Variants in ATP11A observed in about 807,000 individuals in gnomAD.
ATP11A encodes the protein phospholipid-transporting ATPase IH.
ATP11A carries 81 observed loss-of-function variants against 154.4 expected under a neutral mutation model. That is an observed-to-expected ratio of 0.52 (90% CI 0.44 to 0.63). ATP11A has a LOEUF of 0.63. Among genes scored for constraint, ATP11A ranks in the 30% least tolerant of loss-of-function variants. ATP11A has a pLI of 0.00. For missense variants in ATP11A, 1,316 were observed against 1,474.3 expected (o/e 0.89, Z 1.76); for synonymous variants, 623 against 585.9 (o/e 1.06, Z -0.91).
Position 112,860,508 on chromosome 13 carries a change from T to C in ATP11A, c.2855+94T>C, listed in dbSNP as rs1262036518. ...CCAATAGCCACCTGGCAGACCTCAG[T>C]TGAGGGCCAGAAGCATTCGGCATCT... On this transcript the variant is annotated intron_variant, in intron 24 of 29. Coordinates refer to ENST00000375645, the MANE Select transcript of ATP11A (RefSeq NM_015205.3). The C allele has an allele frequency of 3.7e-5, 55 of 1,489,232 alleles. No individual in the cohort carries two copies. In the Admixed American group the frequency reaches 9.0e-4, roughly 24 times the overall value. 92.3% of individuals were successfully genotyped at this position (1,489,232 alleles called of 1,614,324 possible).
chr13:112,818,538 C>T (rs1201666395), intron 6 of ATP11A, among the ~76,000 whole-genome samples: 2 of 152,208 alleles, frequency 1.3e-5, no homozygotes, highest in Non-Finnish European at 2.9e-5. Context: ...TCGCAGATCC[C>T]TGGGCACAAG....
At chr13:112,841,150 A>T (rs1280356857) in intron 16 of ATP11A, among the ~76,000 whole-genome samples, 1 of 150,458 alleles carries the variant, frequency 6.6e-6, no homozygotes, top group East Asian at 2.0e-4. Flanking sequence ...TCAGGTGCAG[A>T]GGGAGCTCTG....
intron 1 of ATP11A, among the ~76,000 whole-genome samples, chr13:112,716,625 G>A (rs565038649): frequency 6.6e-6 from 1 of 152,296 alleles, no homozygotes; most frequent in Admixed American, 6.5e-5. Context: ...GGCTGGGTTT[G>A]CACTGAGCCA....
At position 112,873,572 on chromosome 13, in the gene ATP11A, G is replaced by A; in HGVS notation, c.3058-1G>A. Reference sequence around the variant, plus strand: ...AACTGCCCTTTTTTTTTTCCTTTTAGCTTGCATTGGACACACACTACTGGA... The same window carrying A: ...AACTGCCCTTTTTTTTTTCCTTTTAACTTGCATTGGACACACACTACTGGA... On this transcript the variant is annotated splice_acceptor_variant, in intron 26 of 29. Transcript: ENST00000375645. LOFTEE classifies it high-confidence loss of function. 6.3e-7 allele frequency: 1 copy of A among 1,581,658 alleles called. No homozygotes were observed. Among genetic ancestry groups the A allele is most frequent in the Admixed American group, 1.9e-5 (1 of 52,142 alleles).
intron 1 of ATP11A, among the ~76,000 whole-genome samples, chr13:112,713,603 T>C (rs1036787109): frequency 8.5e-5 from 13 of 152,214 alleles, no homozygotes; most frequent in Admixed American, 1.3e-4. Flanking sequence ...GAGGTCTCAG[T>C]AGGTGTCTGA....
chr13:112,780,936 G>A (rs1195994374), intron 1 of ATP11A, among the ~76,000 whole-genome samples: 1 of 152,122 alleles, frequency 6.6e-6, no homozygotes, highest in African/African-American at 2.4e-5. Context: ...AGAGAGAGAG[G>A]CTGGGGTCTC....
intron 1 of ATP11A, among the ~76,000 whole-genome samples, chr13:112,765,979 G>A (rs74344057): frequency 0.075 from 11,452 of 152,316 alleles, 441 homozygotes; most frequent in Middle Eastern, 0.11. Context: ...ACTGACCATG[G>A]GCAGTTTTAG....
At chr13:112,783,991 G>C (rs2077561319) in intron 1 of ATP11A, among the ~76,000 whole-genome samples, 1 of 152,182 alleles carries the variant, frequency 6.6e-6, no homozygotes, top group African/African-American at 2.4e-5. Flanking sequence ...CCCATCTGCA[G>C]ATGCAGGGCC....
intron 1 of ATP11A, among the ~76,000 whole-genome samples, chr13:112,712,770 T>C (rs1887915047): frequency 6.6e-6 from 1 of 152,334 alleles, no homozygotes; most frequent in Non-Finnish European, 1.5e-5. Flanking sequence ...CCTTTTCTTA[T>C]GTCCACTGGA....
chr13:112,827,577 G>A (rs1014745905), intron 12 of ATP11A, among the ~76,000 whole-genome samples: 1 of 152,278 alleles, frequency 6.6e-6, no homozygotes, highest in South Asian at 2.1e-4. Context: ...CCCCAGCCTA[G>A]AGCGGTGACC....
At position 112,758,718 on chromosome 13, in the gene ATP11A, C is replaced by G. The variant is rs575176294; in HGVS notation, c.40-26417C>G. Among the ~76,000 whole-genome samples the G allele has an allele frequency of 1.1e-4, 16 of 152,334 alleles. No homozygotes were observed. The South Asian group carries it at 3.3e-3, about 32-fold the overall frequency. On this transcript the variant is annotated intron_variant, in intron 1 of 29. Coordinates refer to ENST00000375645, the MANE Select transcript of ATP11A (RefSeq NM_015205.3). Reference sequence around the variant, plus strand: ...GATTACAGGCGTGAGCCACCGCTCCCAGCCTACATTTCTTAAATCTATCTT... The same window carrying G: ...GATTACAGGCGTGAGCCACCGCTCCGAGCCTACATTTCTTAAATCTATCTT...
rs1387662214 is a variant in ATP11A, at chr13:112,886,047, C to CA, written c.*4182dup. The CA allele has an allele frequency of 1.3e-5, 2 of 152,344 alleles. No homozygotes were observed. The highest frequency in any genetic ancestry group is 2.9e-5 in the Non-Finnish European group (2 of 68,116). The allele number at this position is 152,344 out of a possible 1,614,324, so 9.4% of individuals were successfully genotyped here. On this transcript the variant is annotated 3_prime_UTR_variant, in exon 30 of 30. Transcript: ENST00000375645. ...GACTGGCCACACCCACGCCGCACCT[C>CA]ATCCGTGCACGCGTCGGAGCACGGC...
At chr13:112,725,204 A>G (rs1889698348) in intron 1 of ATP11A, among the ~76,000 whole-genome samples, 1 of 152,192 alleles carries the variant, frequency 6.6e-6, no homozygotes, top group African/African-American at 2.4e-5. Context: ...GCTGGGCTCA[A>G]GGCAGTGGGG....
At chr13:112,748,314 C>T (rs367873610) in intron 1 of ATP11A, among the ~76,000 whole-genome samples, 1 of 152,220 alleles carries the variant, frequency 6.6e-6, no homozygotes, top group Non-Finnish European at 1.5e-5. Context: ...CTTTGGCGAT[C>T]ATGTAGTAGA....
intron 1 of ATP11A, among the ~76,000 whole-genome samples, chr13:112,777,799 G>A (rs2077384208): frequency 6.6e-6 from 1 of 152,212 alleles, no homozygotes; most frequent in South Asian, 2.1e-4. Flanking sequence ...GAAGGGATGT[G>A]AGACTTCCTC....
intron 1 of ATP11A, among the ~76,000 whole-genome samples, chr13:112,716,313 C>T (rs7989810): frequency 0.78 from 118,430 of 152,138 alleles, 47,760 homozygotes; most frequent in East Asian, 0.94. Context: ...AGCTCTGCTC[C>T]GACAGCTGTG....
rs531528041 is a variant in ATP11A, at chr13:112,765,451, C to T, written c.40-19684C>T. Among the ~76,000 whole-genome samples, 111 of 152,364 alleles carry T rather than the reference C, an allele frequency of 7.3e-4. 1 individual carries two copies. The highest frequency in any genetic ancestry group is 2.0e-3 in the African/African-American group (83 of 41,580). On this transcript the variant is annotated intron_variant, in intron 1 of 29. Transcript: ENST00000375645. ...TCCCTTCCCCTCACTCCATCTGATTCGGCCCCGTTTCCTTGTCCACTCCAC... is the reference window on the plus strand; with the variant it reads ...TCCCTTCCCCTCACTCCATCTGATTTGGCCCCGTTTCCTTGTCCACTCCAC...
intron 24 of ATP11A, among the ~76,000 whole-genome samples, chr13:112,862,078 G>A (rs2080124752): frequency 6.6e-6 from 1 of 152,250 alleles, no homozygotes; most frequent in African/African-American, 2.4e-5. Flanking sequence ...TCAGGCGTAA[G>A]GCGTCACGTC....
At chr13:112,817,765 C>T (rs908646279) in intron 6 of ATP11A, among the ~76,000 whole-genome samples, 13 of 152,224 alleles carry the variant, frequency 8.5e-5, no homozygotes, top group Admixed American at 4.6e-4. Context: ...GCACTTTGAC[C>T]TTTTGTGGCT....
Sources: allele counts gnomAD v4.1 joint callset (sites outside exome capture counted in the v4.1 genomes callset), GRCh38; gene constraint gnomAD v4.1.1; transcripts MANE v1.5; gene names NCBI Gene and HGNC (gene_info 2026-07-23, HGNC 2026-07-21).